Variants in PLA2G4C observed in about 807,000 individuals in gnomAD.
The protein encoded by PLA2G4C is cytosolic phospholipase A2 gamma.
PLA2G4C carries 64 observed loss-of-function variants against 73.8 expected under a neutral mutation model. That is an observed-to-expected ratio of 0.87 (90% CI 0.71 to 1.07). PLA2G4C has a LOEUF of 1.07. Among genes scored for constraint, PLA2G4C ranks in the 50% least tolerant of loss-of-function variants. The pLI is 0.00. For synonymous variants in PLA2G4C, 254 were observed against 252.1 expected (o/e 1.01, Z -0.07); for missense variants, 622 against 665.4 (o/e 0.93, Z 0.72).
At chr19:48,067,976 C>T (rs927397626) in intron 12 of PLA2G4C, 90 bp from the exon 13 acceptor site, 4 of 908,090 alleles carry the variant, frequency 4.4e-6, no homozygotes, top group Non-Finnish European at 7.4e-6. Context: ...GCCCTCATCC[C>T]CCATGGGGTT....
At chr19:48,066,358 T>G (rs1968421177) in intron 13 of PLA2G4C, among the ~76,000 whole-genome samples, 1 of 152,088 alleles carries the variant, frequency 6.6e-6, no homozygotes, top group African/African-American at 2.4e-5. Context: ...AGGGAGAAAT[T>G]TGATGCTAAA....
rs1968494833 is a variant in PLA2G4C at position 48,067,782 on chromosome 19, T to C, written c.1102+9A>G. ...ACAGACCAGGGCGGTGGGAAGAGGG[T>C]CTTCTCACCGTGTTTGTACAGGAAG... On this transcript the variant is annotated intron_variant, in intron 13 of 16. Transcript: ENST00000599921. 7 of 1,578,484 alleles carry C rather than the reference T, an allele frequency of 4.4e-6. No individual in the cohort carries two copies. The African/African-American group carries it at 9.5e-5, about 21-fold the overall frequency.
chr19:48,056,028 G>A (rs1239763785), intron 14 of PLA2G4C, among the ~76,000 whole-genome samples: 1 of 151,948 alleles, frequency 6.6e-6, no homozygotes, highest in Non-Finnish European at 1.5e-5. Flanking sequence ...GACACCATGG[G>A]GAAACTTAAT....
At chr19:48,079,100 T>G (rs2030368096) in intron 10 of PLA2G4C, among the ~76,000 whole-genome samples, 1 of 152,064 alleles carries the variant, frequency 6.6e-6, no homozygotes, top group African/African-American at 2.4e-5. Context: ...ACTCCTGACC[T>G]CAGGTGATCC....
chr19:48,051,554 G>A (rs1302626426), intron 16 of PLA2G4C, among the ~76,000 whole-genome samples: 1 of 111,218 alleles, frequency 9.0e-6, no homozygotes, highest in Non-Finnish European at 2.1e-5. Context: ...TGGCAGGAGA[G>A]ATGAGAGAGA....
chr19:48,090,325 A>G, intron 8 of PLA2G4C, 39 bp downstream of exon 8: 2 of 1,399,930 alleles, frequency 1.4e-6, no homozygotes, highest in Non-Finnish European at 2.0e-6. Flanking sequence ...TGCATAAAAT[A>G]TCTCTAGGGT....
intron 14 of PLA2G4C, among the ~76,000 whole-genome samples, chr19:48,055,955 C>T (rs137960967): frequency 6.4e-4 from 98 of 152,056 alleles, no homozygotes; most frequent in African/African-American, 2.3e-3. Context: ...CTACTTGCTG[C>T]ACTTGAAGAA....
intron 13 of PLA2G4C, among the ~76,000 whole-genome samples, chr19:48,063,331 G>C (rs376648933): frequency 3.3e-5 from 5 of 151,974 alleles, no homozygotes; most frequent in Admixed American, 1.3e-4. Flanking sequence ...CGTGAGCCAC[G>C]GGCCGGCCAA....
chr19:48,050,158 G>A (rs1967668812), intron 16 of PLA2G4C, among the ~76,000 whole-genome samples: 2 of 152,164 alleles, frequency 1.3e-5, no homozygotes, highest in African/African-American at 4.8e-5. Context: ...CTGACCTCAT[G>A]ATCTGCCCAC....
chr19:48,105,295 T>C, intron 3 of PLA2G4C, 38 bp downstream of exon 3: 1 of 1,442,036 alleles, frequency 6.9e-7, no homozygotes. Flanking sequence ...AGGGGGCGAT[T>C]CTGGGATCTC....
chr19:48,063,972 G>A (rs576233568), intron 13 of PLA2G4C: 1 of 152,036 alleles, frequency 6.6e-6, no homozygotes, highest in East Asian at 2.0e-4. Flanking sequence ...AAAGCAAAGG[G>A]GTGAAAGAAT....
At chr19:48,068,333 G>A (rs1034178639) in intron 12 of PLA2G4C, among the ~76,000 whole-genome samples, 1 of 150,484 alleles carries the variant, frequency 6.6e-6, no homozygotes, top group South Asian at 2.1e-4. Flanking sequence ...AAAGTGGGGG[G>A]GTCATTCAGG....
At chr19:48,084,833 G>A (rs939577829) in intron 10 of PLA2G4C, among the ~76,000 whole-genome samples, 3 of 152,198 alleles carry the variant, frequency 2.0e-5, no homozygotes, top group Non-Finnish European at 2.9e-5. Flanking sequence ...AAGCTCACAT[G>A]TACCACAGCA....
intron 13 of PLA2G4C, among the ~76,000 whole-genome samples, chr19:48,066,018 C>A (rs906489129): frequency 6.6e-6 from 1 of 151,446 alleles, no homozygotes; most frequent in East Asian, 1.9e-4. Context: ...ACCCAGGAGG[C>A]GGAGGTTGCG....
At chr19:48,058,444 C>A (rs1033668666) in intron 14 of PLA2G4C, among the ~76,000 whole-genome samples, 22 of 152,130 alleles carry the variant, frequency 1.4e-4, no homozygotes, top group African/African-American at 4.1e-4. Context: ...AGCCACTTTT[C>A]TACACATAAA....
intron 16 of PLA2G4C, among the ~76,000 whole-genome samples, chr19:48,050,698 A>C: frequency 3.5e-5 from 1 of 28,502 alleles, no homozygotes; most frequent in African/African-American, 6.8e-5. Flanking sequence ...TTTTTGAGAC[A>C]GGGTCTCGCT....
chr19:48,063,956 G>C (rs1968304622), intron 13 of PLA2G4C: 1 of 151,988 alleles, frequency 6.6e-6, no homozygotes, highest in African/African-American at 2.4e-5. Flanking sequence ...AAGCAAGTCT[G>C]TTAAGAAAGC....
At chr19:48,062,326 C>T in intron 13 of PLA2G4C, 174 bp from the exon 14 acceptor site, 1 of 558,122 alleles carries the variant, frequency 1.8e-6, no homozygotes, top group Non-Finnish European at 3.0e-6. Context: ...ATGTTGAAGC[C>T]CTGGCTGGGT....
chr19:48,079,701 A>C (rs1417557292), intron 10 of PLA2G4C, among the ~76,000 whole-genome samples: 1 of 152,208 alleles, frequency 6.6e-6, no homozygotes, highest in African/African-American at 2.4e-5. Context: ...TATGGGAACG[A>C]TGGCTCACGC....
Sources: gnomAD v4.1 joint callset for allele counts (sites outside exome capture counted in the v4.1 genomes callset) on GRCh38, gnomAD v4.1.1 for gene constraint, MANE v1.5 for transcripts, NCBI Gene and HGNC (gene_info 2026-07-23, HGNC 2026-07-21) for gene names.